Variants in VANGL2 observed in about 807,000 individuals in gnomAD.
The protein encoded by VANGL2 is vang-like protein 2.
Under a neutral mutation model 50.2 loss-of-function variants are expected in VANGL2, and 14 were observed. The ratio of observed to expected loss-of-function variants is 0.28; its 90% CI spans 0.18 to 0.44. VANGL2 has a LOEUF of 0.44. Ranked by LOEUF, VANGL2 falls within the 20% of genes least tolerant of loss-of-function variation. VANGL2 has a pLI of 1.00. For synonymous variants in VANGL2, 295 were observed against 297.2 expected, an observed-to-expected ratio of 0.99 and a Z score of 0.08; for missense variants, 533 against 701.5, an observed-to-expected ratio of 0.76 and a Z score of 2.71.
chr1:160,417,181 C>G (rs958759950), intron 3 of VANGL2, among the ~76,000 whole-genome samples: 2 of 152,108 alleles, frequency 1.3e-5, no homozygotes, highest in Non-Finnish European at 2.9e-5. Flanking sequence ...TGAAGGCAGT[C>G]AGTGCATCTG....
chr1:160,406,969 C>T (rs1650695068), intron 1 of VANGL2, among the ~76,000 whole-genome samples: 2 of 152,098 alleles, frequency 1.3e-5, no homozygotes, highest in Admixed American at 1.3e-4. Context: ...CTCAGGTGAT[C>T]TACCTGCCTC....
rs888646918 is a variant in VANGL2, at chr1:160,403,001, T to C, written c.-191+2132T>C. The stretch of plus-strand genomic sequence containing the variant: ...GCAATTGGAATGTTAGAGTCTCTAA[T>C]GGGCATGTGCAATTGGAATGTTCCC... On this transcript the variant is annotated intron_variant, in intron 1 of 7. Transcript: ENST00000368061. Among the ~76,000 whole-genome samples the C allele has an allele frequency of 8.5e-5, 13 of 152,276 alleles. No individual in the cohort carries two copies. The East Asian group carries it at 2.5e-3, about 29-fold the overall frequency.
At chr1:160,407,412 C>T (rs1288118862) in intron 1 of VANGL2, among the ~76,000 whole-genome samples, 1 of 152,168 alleles carries the variant, frequency 6.6e-6, no homozygotes, top group East Asian at 1.9e-4. Flanking sequence ...ATCTCACACC[C>T]TGAGGCCCAC....
chr1:160,406,697 G>A (rs1255448560), intron 1 of VANGL2, among the ~76,000 whole-genome samples: 4 of 151,174 alleles, frequency 2.6e-5, no homozygotes, highest in African/African-American at 9.7e-5. Context: ...GTCAGAGAGA[G>A]AGGGTGTGTT....
chr1:160,419,437 C>A lies in VANGL2; in HGVS notation c.628C>A (p.Arg210Ser), dbSNP rs551308491. Reference sequence around the variant, plus strand: ...TGTGCGCATCCTGGATGCTCGGGAGCGCAGCTACCAGGGCGTGGTGCAGTT... The same window carrying A: ...TGTGCGCATCCTGGATGCTCGGGAGAGCAGCTACCAGGGCGTGGTGCAGTT... ...YGVRILDARE[R>S]SYQGVVQFAV... The change falls in exon 4 of 8, where the codon CGC (arginine) becomes AGC (serine). Residue 210 changes from arginine to serine, a missense_variant. By Grantham distance (110) the Arg-to-Ser change is moderately radical. Transcript: ENST00000368061. This position sits in a 1 kb window ranked among gnomAD's most constrained non-coding sequence, Gnocchi z 5.8. 6.2e-7 allele frequency: 1 copy of A among 1,611,196 alleles called. No individual in the cohort carries two copies. Among genetic ancestry groups the A allele is most frequent in the African/African-American group, 1.3e-5 (1 of 75,028 alleles).
rs764417088 is a variant in VANGL2, at chr1:160,419,277, G to T, written c.468G>T (p.Leu156=). 5 of 1,607,602 alleles carry T rather than the reference G, an allele frequency of 3.1e-6. No individual in the cohort carries two copies. In the South Asian group the frequency reaches 5.5e-5, roughly 18 times the overall value. The stretch of plus-strand genomic sequence containing the variant: ...TCTTCATCTCTGTCGCCTTCAAGCT[G>T]CTCATCCTGCTACTGGGCAGCTGGG... ...EGLFISVAFK[L]LILLLGSWAL... is the part of the protein sequence containing the mutation. The change falls in exon 4 of 8, where the codon CTG becomes CTT. Residue 156 remains leucine (L), a synonymous_variant. Coordinates refer to ENST00000368061, the MANE Select transcript of VANGL2 (RefSeq NM_020335.3). This position sits in a 1 kb window ranked among gnomAD's most constrained non-coding sequence, Gnocchi z 5.8.
In VANGL2 at chr1:160,419,432, G is replaced by C. The variant is rs534781177; in HGVS notation, c.623G>C (p.Arg208Pro). 1.2e-6 allele frequency: 2 copies of C among 1,611,480 alleles called. No homozygotes were observed. The highest frequency in any genetic ancestry group is 8.5e-7 in the Non-Finnish European group (1 of 1,180,008). ...LFYGVRILDA[R>P]ERSYQGVVQF... is the part of the protein sequence containing the mutation. ...TATGGTGTGCGCATCCTGGATGCTC[G>C]GGAGCGCAGCTACCAGGGCGTGGTG... Residue 208 changes from arginine (R) to proline (P), a missense_variant, in exon 4 of 8, where the codon CGG becomes CCG. By Grantham distance (103) the Arg-to-Pro change is moderately radical (BLOSUM62 -2). Transcript: ENST00000368061. The surrounding 1 kb of genome is among the most constrained non-coding windows in gnomAD (Gnocchi z 5.8).
At chr1:160,410,523 C>T (rs12730484) in intron 1 of VANGL2, among the ~76,000 whole-genome samples, 2 of 152,214 alleles carry the variant, frequency 1.3e-5, no homozygotes, top group East Asian at 1.9e-4. Flanking sequence ...GAGCTGCCTG[C>T]GTCTGGTCAT....
chr1:160,422,162 C>T (rs1651297183), intron 6 of VANGL2, among the ~76,000 whole-genome samples: 1 of 152,196 alleles, frequency 6.6e-6, no homozygotes, highest in Non-Finnish European at 1.5e-5. Flanking sequence ...TAGCCCTTAC[C>T]TTGTTCCTAT....
Position 160,415,729 on chromosome 1 carries a change from G to T in VANGL2, c.-109G>T. On this transcript the variant is annotated 5_prime_UTR_variant, in exon 2 of 8. It adds an upstream start codon to the 5' untranslated region. Transcript: ENST00000368061. ...TCAGGGTGACAGTTGACTTCCTGAAGGTGCCTCTTGGCCTAAAGAAGCCGG... is the reference window on the plus strand; with the variant it reads ...TCAGGGTGACAGTTGACTTCCTGAATGTGCCTCTTGGCCTAAAGAAGCCGG... 7.8e-7 allele frequency: 1 copy of T among 1,277,136 alleles called. No homozygotes were observed. Among genetic ancestry groups the T allele is most frequent in the Non-Finnish European group, 1.1e-6 (1 of 900,562 alleles). The allele number at this position is 1,277,136 out of a possible 1,614,324, so 79.1% of individuals were successfully genotyped here.
Position 160,424,051 on chromosome 1 carries a change from G to C in VANGL2, c.1074-1G>C. 3 of 1,614,022 alleles carry C rather than the reference G, an allele frequency of 1.9e-6. No homozygotes were observed. Among genetic ancestry groups the C allele is most frequent in the Non-Finnish European group, 2.5e-6 (3 of 1,179,902 alleles). ...TGGCCCAGTCCCCTCCTGTCCCCTA[G>C]GCTTGTAGTGGCGGTGGAGGAGGCC... On this transcript the variant is annotated splice_acceptor_variant, in intron 6 of 7. Coordinates refer to ENST00000368061, the MANE Select transcript of VANGL2 (RefSeq NM_020335.3). LOFTEE classifies it high-confidence loss of function.
chr1:160,423,857 C>T (rs1259556546), intron 6 of VANGL2, among the ~76,000 whole-genome samples, 195 bp from the exon 7 acceptor site: 1 of 152,248 alleles, frequency 6.6e-6, no homozygotes, highest in Non-Finnish European at 1.5e-5. Context: ...AGTCCCTGGG[C>T]TGGGCCCACT....
At chr1:160,402,502 G>A (rs1345581575) in intron 1 of VANGL2, among the ~76,000 whole-genome samples, 2 of 152,124 alleles carry the variant, frequency 1.3e-5, no homozygotes, top group African/African-American at 4.8e-5. Flanking sequence ...GAACAGCTTG[G>A]GTTCCCTGCC....
intron 6 of VANGL2, among the ~76,000 whole-genome samples, chr1:160,423,106 A>G (rs933905635): frequency 6.6e-6 from 1 of 152,116 alleles, no homozygotes; most frequent in Non-Finnish European, 1.5e-5. Flanking sequence ...GGGTTTTGCC[A>G]TGTTGGCCAG....
At chr1:160,417,723 A>C (rs753533334) in intron 3 of VANGL2, among the ~76,000 whole-genome samples, 15 of 152,162 alleles carry the variant, frequency 9.9e-5, no homozygotes, top group Non-Finnish European at 5.9e-5. Flanking sequence ...TGGCCTGCAC[A>C]AGCCCTGCCT....
In VANGL2 at chr1:160,409,251, C is replaced by T. The variant is rs79942415; in HGVS notation, c.-190-6397C>T. ...GCACTCCTCAAAGTCAGTGTTACTACGATTTTCCAACAATTAGAGGAGGCC... is the reference window on the plus strand; with the variant it reads ...GCACTCCTCAAAGTCAGTGTTACTATGATTTTCCAACAATTAGAGGAGGCC... On this transcript the variant is annotated intron_variant, in intron 1 of 7. Coordinates refer to ENST00000368061, the MANE Select transcript of VANGL2 (RefSeq NM_020335.3). Among the ~76,000 whole-genome samples the T allele has an allele frequency of 2.7e-3, 406 of 152,292 alleles. 10 individuals carry two copies. The East Asian group carries it at 0.062, about 23-fold the overall frequency.
At chr1:160,411,701 G>C (rs75452211) in intron 1 of VANGL2, among the ~76,000 whole-genome samples, 10,866 of 152,110 alleles carry the variant, frequency 0.071, 994 homozygotes, top group African/African-American at 0.22. Context: ...GATTCATGTT[G>C]AGTCTTTAGT....
At chr1:160,404,187 A>C (rs1055493453) in intron 1 of VANGL2, among the ~76,000 whole-genome samples, 3 of 152,200 alleles carry the variant, frequency 2.0e-5, no homozygotes, top group African/African-American at 7.2e-5. Flanking sequence ...ACTCTCTCCT[A>C]TCTGCCAGGC....
At chr1:160,410,507 C>A (rs1186960555) in intron 1 of VANGL2, among the ~76,000 whole-genome samples, 1 of 152,082 alleles carries the variant, frequency 6.6e-6, no homozygotes, top group Non-Finnish European at 1.5e-5. Flanking sequence ...CAGGAGGTGG[C>A]GTCTGGAGCT....
Sources: gnomAD v4.1 joint callset for allele counts (sites outside exome capture counted in the v4.1 genomes callset) on GRCh38, gnomAD v4.1.1 for gene constraint, Gnocchi (gnomAD v3.1) non-coding constraint, MANE v1.5 for transcripts, NCBI Gene and HGNC (gene_info 2026-07-23, HGNC 2026-07-21) for gene names.